The following ALX4 variants were observed in gnomAD, a reference collection of about 807,000 sequenced individuals.
ALX4 encodes homeobox protein aristaless-like 4.
Under a neutral mutation model 40.6 loss-of-function variants are expected in ALX4, and 22 were observed. The observed-to-expected ratio is 0.54, with a 90% CI of 0.39 to 0.77. ALX4 has a LOEUF of 0.77. Among genes scored for constraint, ALX4 ranks in the 30% least tolerant of loss-of-function variants. The probability of loss-of-function intolerance (pLI) is 0.00; values close to 1 mark genes in which losing one functional copy is unlikely to be tolerated. For missense variants in ALX4, 556 were observed against 564.8 expected (o/e 0.98, Z 0.16); for synonymous variants, 266 against 240.5 (o/e 1.11, Z -0.98).
intron 1 of ALX4, among the ~76,000 whole-genome samples, chr11:44,306,381 C>G (rs1006835049): frequency 2.0e-5 from 3 of 152,244 alleles, no homozygotes; most frequent in Non-Finnish European, 4.4e-5. Context: ...CGCACTCCCT[C>G]GGCTTGGCCC....
chr11:44,277,577 G>A (rs1043421071), intron 1 of ALX4, among the ~76,000 whole-genome samples: 3 of 152,200 alleles, frequency 2.0e-5, no homozygotes, highest in African/African-American at 7.2e-5. Flanking sequence ...AGGTCCAAGC[G>A]ATGGGCATTA....
intron 1 of ALX4, among the ~76,000 whole-genome samples, chr11:44,278,765 G>C (rs995848235): frequency 4.6e-5 from 7 of 152,202 alleles, no homozygotes; most frequent in Non-Finnish European, 2.9e-5. Context: ...TAGGGAGAGC[G>C]GGGTAGTTGA....
chr11:44,269,403 T>C (rs1276968368), intron 2 of ALX4, among the ~76,000 whole-genome samples: 1 of 152,232 alleles, frequency 6.6e-6, no homozygotes, highest in African/African-American at 2.4e-5. Context: ...AAGATGGGGA[T>C]GTATCTCATG....
intron 1 of ALX4, among the ~76,000 whole-genome samples, chr11:44,285,184 C>T (rs1016093400): frequency 6.6e-6 from 1 of 152,162 alleles, no homozygotes; most frequent in Admixed American, 6.5e-5. Flanking sequence ...AGGCTGGTCT[C>T]GAACTCCTGA....
chr11:44,309,937 C>A lies in ALX4; in HGVS notation c.126G>T (p.Lys42Asn), dbSNP rs369346595. 32 of 1,593,420 alleles carry A rather than the reference C, an allele frequency of 2.0e-5. No individual in the cohort carries two copies. The African/African-American group carries it at 3.9e-4, about 19-fold the overall frequency. The change falls in exon 1 of 4, where the codon AAG (lysine) becomes AAT (asparagine). Residue 42 changes from lysine to asparagine, a missense_variant. Physicochemically the swap from Lys to Asn is moderately conservative, Grantham distance 94 (BLOSUM62 0). Transcript: ENST00000652299. ...CGGCCGACAGGAAAGTTGTGCCGAA[C>A]TTGTCGCCTCCGGGAAATGCCCTAA... ...SPFRAFPGGDKFGTTFLSAAA... is the reference protein window; with the variant it reads ...SPFRAFPGGDNFGTTFLSAAA...
At chr11:44,277,761 A>T (rs1484279223) in intron 1 of ALX4, among the ~76,000 whole-genome samples, 1 of 152,156 alleles carries the variant, frequency 6.6e-6, no homozygotes, top group African/African-American at 2.4e-5. Context: ...AAGGGCATAG[A>T]GGTGAGTGCC....
rs147204958 is a variant in ALX4 at position 44,275,636 on chromosome 11, C to T, written c.489G>A (p.Glu163=). ...PCYAKESSLG[E]PELPPDSDTV... ...TGTCAGAGTCAGGGGGTAACTCTGG[C>T]TCACCCAGGGAGCTCTCTTTAGCTG... Residue 163 remains glutamate (E), a synonymous_variant, in exon 2 of 4, where the codon GAG becomes GAA. Transcript: ENST00000652299. 199 of 1,613,334 alleles carry T rather than the reference C, an allele frequency of 1.2e-4. No individual in the cohort carries two copies. The African/African-American group carries it at 2.0e-3, about 16-fold the overall frequency.
In ALX4 at chr11:44,283,619, C is replaced by T. The variant is rs146222616; in HGVS notation, c.467-7961G>A. On this transcript the variant is annotated intron_variant, in intron 1 of 3. Transcript: ENST00000652299. The stretch of plus-strand genomic sequence containing the variant: ...TCGCTTTGCCACCCAGGCTGGAGTG[C>T]AGTGGTTCGATCTCGGCTCACTGCA... Among the ~76,000 whole-genome samples the T allele has an allele frequency of 6.9e-3, 1,045 of 152,304 alleles. 10 individuals are homozygous for T. The highest frequency in any genetic ancestry group is 0.027 in the Middle Eastern group (8 of 294).
At chr11:44,267,445 G>T in intron 3 of ALX4, 49 bp downstream of exon 3, 1 of 1,609,338 alleles carries the variant, frequency 6.2e-7, no homozygotes, top group South Asian at 1.1e-5. Context: ...CTCATTCTCA[G>T]AGCACCAGGG....
At chr11:44,275,260 G>A (rs1403391666) in intron 2 of ALX4, 88 bp downstream of exon 2, 38 of 1,369,226 alleles carry the variant, frequency 2.8e-5, no homozygotes, top group Non-Finnish European at 3.3e-5. Flanking sequence ...GGTGTGGTTG[G>A]TGGGCAGTCA....
Position 44,309,721 on chromosome 11 carries a change from G to GGGCTGC in ALX4, c.336_341dup (p.Gln115_Pro116dup), listed in dbSNP as rs1159463386. On this transcript the variant is annotated inframe_insertion, in exon 1 of 4. Transcript: ENST00000652299. The stretch of plus-strand genomic sequence containing the variant: ...AAAGATGCGGTTGCGCGGGCGGCTG[G>GGGCTGC]GGCTGCGGCTGCTGCTGCTGCGGCT... 18 of 1,568,442 alleles carry GGGCTGC rather than the reference G, an allele frequency of 1.1e-5. No homozygotes were observed. The highest frequency in any genetic ancestry group is 9.6e-5 in the African/African-American group (7 of 73,184).
chr11:44,264,789 G>C lies in ALX4; in HGVS notation c.*65C>G. On this transcript the variant is annotated 3_prime_UTR_variant, in exon 4 of 4. Transcript: ENST00000652299. ...AAGAGGAAAGTCGAGTGGGAGGCTG[G>C]GGGCCTGGAAAACATGGGCGTGGCC... The C allele has an allele frequency of 1.3e-6, 2 of 1,570,378 alleles. No individual in the cohort carries two copies. The highest frequency in any genetic ancestry group is 2.2e-5 in the South Asian group (2 of 89,020).
intron 1 of ALX4, 41 bp downstream of exon 1, chr11:44,309,556 C>G: frequency 6.5e-7 from 1 of 1,543,912 alleles, no homozygotes; most frequent in Non-Finnish European, 8.7e-7. Context: ...AGCCAAGCAC[C>G]CCGTGGTCCC....
chr11:44,277,158 G>A (rs1175361405), intron 1 of ALX4, among the ~76,000 whole-genome samples: 3 of 152,200 alleles, frequency 2.0e-5, no homozygotes, highest in African/African-American at 4.8e-5. Context: ...GAAATAAAGA[G>A]GCTAGTGTGC....
chr11:44,272,246 C>T (rs1298104136), intron 2 of ALX4, among the ~76,000 whole-genome samples: 1 of 138,056 alleles, frequency 7.2e-6, no homozygotes, highest in African/African-American at 2.7e-5. Context: ...TGGCTCATGC[C>T]TGTAATCCCA....
intron 1 of ALX4, among the ~76,000 whole-genome samples, chr11:44,298,474 C>A (rs1396380210): frequency 6.6e-6 from 1 of 152,142 alleles, no homozygotes; most frequent in East Asian, 1.9e-4. Context: ...AAGGGAGGAA[C>A]CTCAGCAGCT....
At chr11:44,287,295 A>AAAAC (rs912522421) in intron 1 of ALX4, among the ~76,000 whole-genome samples, 34 of 152,150 alleles carry the variant, frequency 2.2e-4, no homozygotes, top group African/African-American at 7.5e-4. Flanking sequence ...GCAAAAACAA[A>AAAAC]AAACAAACAA....
In ALX4 at chr11:44,264,374, G is replaced by A. The variant is rs1956200478; in HGVS notation, c.*480C>T. 2 of 166,514 alleles carry A rather than the reference G, an allele frequency of 1.2e-5. No homozygotes were observed. The highest frequency in any genetic ancestry group is 1.3e-5 in the Non-Finnish European group (1 of 77,112). 10.3% of individuals were successfully genotyped at this position (166,514 alleles called of 1,614,324 possible). A position where few individuals can be genotyped will look rare whatever the true frequency, so the allele number is the denominator to read the frequency against. ...GGAGAGAAAGATGGGAGGGCAGGAG[G>A]CTGGCTCTGCAGGGCAGCCTGTGCT... On this transcript the variant is annotated 3_prime_UTR_variant, in exon 4 of 4. Transcript: ENST00000652299.
intron 1 of ALX4, among the ~76,000 whole-genome samples, chr11:44,286,047 C>T (rs985536034): frequency 6.6e-6 from 1 of 152,346 alleles, no homozygotes; most frequent in East Asian, 1.9e-4. Flanking sequence ...TCTGCAGGCA[C>T]AGCTGAGGGT....
Sources: allele counts gnomAD v4.1 joint callset (sites outside exome capture counted in the v4.1 genomes callset), GRCh38; gene constraint gnomAD v4.1.1; transcripts MANE v1.5; gene names NCBI Gene and HGNC (gene_info 2026-07-23, HGNC 2026-07-21).